Variants in PHF14 observed in about 807,000 individuals in gnomAD.
PHF14 encodes PHD finger protein 14.
A neutral mutation model predicts 117.9 loss-of-function variants in PHF14; 55 were observed. The ratio of observed to expected loss-of-function variants is 0.47; its 90% CI spans 0.38 to 0.58. The LOEUF (loss-of-function observed/expected upper bound fraction) is 0.58, where lower values mean the gene tolerates loss of function less well. Among genes scored for constraint, PHF14 ranks in the 20% least tolerant of loss-of-function variants. The probability of loss-of-function intolerance (pLI) is 0.00; values close to 1 mark genes in which losing one functional copy is unlikely to be tolerated. For missense variants in PHF14, 978 were observed against 1,122.2 expected (o/e 0.87, Z 1.84); for synonymous variants, 409 against 368.6 (o/e 1.11, Z -1.26).
intron 17 of PHF14, among the ~76,000 whole-genome samples, chr7:11,124,923 A>T (rs953050076): frequency 1.3e-5 from 2 of 152,228 alleles, no homozygotes; most frequent in African/African-American, 4.8e-5. Context: ...TTTCTAATGG[A>T]TAGGGGAATA....
At chr7:11,017,221 A>G (rs780494306) in intron 5 of PHF14, among the ~76,000 whole-genome samples, 1 of 152,196 alleles carries the variant, frequency 6.6e-6, no homozygotes, top group East Asian at 1.9e-4. Context: ...AGGAGTGCAG[A>G]TATCTCTTTA....
At chr7:11,151,707 T>TC (rs1262549554) in intron 17 of PHF14, among the ~76,000 whole-genome samples, 1 of 152,048 alleles carries the variant, frequency 6.6e-6, no homozygotes, top group Non-Finnish European at 1.5e-5. Context: ...CCCCCAGGAG[T>TC]CATGCATGGC....
At chr7:11,019,425 A>G (rs1194536350) in intron 5 of PHF14, among the ~76,000 whole-genome samples, 1 of 152,016 alleles carries the variant, frequency 6.6e-6, no homozygotes, top group African/African-American at 2.4e-5. Flanking sequence ...GTTACTTGTT[A>G]TTGGTCTGTA....
chr7:10,975,180 C>T (rs772107741), intron 2 of PHF14, among the ~76,000 whole-genome samples: 4 of 152,138 alleles, frequency 2.6e-5, no homozygotes, highest in Non-Finnish European at 4.4e-5. Context: ...TCCAAAGATG[C>T]AAAAGGATTT....
intron 17 of PHF14, among the ~76,000 whole-genome samples, chr7:11,123,471 A>G (rs950126623): frequency 6.6e-6 from 1 of 152,112 alleles, no homozygotes; most frequent in African/African-American, 2.4e-5. Context: ...GGACTCTTGA[A>G]TTTTGATAAA....
At chr7:11,066,798 G>A (rs1346585595) in intron 16 of PHF14, among the ~76,000 whole-genome samples, 1 of 152,090 alleles carries the variant, frequency 6.6e-6, no homozygotes, top group Non-Finnish European at 1.5e-5. Context: ...CCTGTGCCAA[G>A]ACCAACTCTT....
intron 14 of PHF14, among the ~76,000 whole-genome samples, chr7:11,052,461 T>C (rs1043225418): frequency 6.6e-6 from 1 of 152,150 alleles, no homozygotes; most frequent in East Asian, 1.9e-4. Context: ...CCTATAAATA[T>C]CTCCTGCAGC....
chr7:10,988,411 G>A (rs976331296), intron 3 of PHF14, among the ~76,000 whole-genome samples: 38 of 152,000 alleles, frequency 2.5e-4, no homozygotes, highest in African/African-American at 9.2e-4. Context: ...TCCCATATGG[G>A]TAAACCTTTT....
At chr7:11,005,585 C>G (rs1219496604) in intron 4 of PHF14, among the ~76,000 whole-genome samples, 1 of 152,126 alleles carries the variant, frequency 6.6e-6, no homozygotes, top group Non-Finnish European at 1.5e-5. Flanking sequence ...TGCTTTGTTT[C>G]ACTCATCTGT....
chr7:11,085,109 G>T (rs902774232), intron 16 of PHF14, among the ~76,000 whole-genome samples: 1 of 152,018 alleles, frequency 6.6e-6, no homozygotes, highest in Non-Finnish European at 1.5e-5. Flanking sequence ...GGTATGTTAT[G>T]AAATAGACAA....
intron 17 of PHF14, among the ~76,000 whole-genome samples, chr7:11,118,045 C>G (rs972984462): frequency 6.6e-6 from 1 of 151,750 alleles, no homozygotes; most frequent in African/African-American, 2.4e-5. Flanking sequence ...GTTTGTGGGA[C>G]AAGCTTACAA....
At chr7:11,113,206 G>T (rs982073006) in intron 17 of PHF14, among the ~76,000 whole-genome samples, 1 of 151,952 alleles carries the variant, frequency 6.6e-6, no homozygotes, top group Non-Finnish European at 1.5e-5. Flanking sequence ...TAAATATGTA[G>T]TATTATGTTA....
chr7:11,167,918 C>T (rs1020790592), intron 17 of PHF14, among the ~76,000 whole-genome samples: 4 of 150,474 alleles, frequency 2.7e-5, no homozygotes, highest in Non-Finnish European at 4.4e-5. Flanking sequence ...CCCAGCTACT[C>T]GGGAGGCTGA....
chr7:11,087,402 T>G (rs2906557), intron 16 of PHF14, among the ~76,000 whole-genome samples: 87,895 of 151,830 alleles, frequency 0.58, 27,023 homozygotes, highest in East Asian at 0.85. Context: ...ATGTTGGCCA[T>G]ACTGGTCTCG....
chr7:11,096,254 C>G (rs1454890057), intron 16 of PHF14, among the ~76,000 whole-genome samples: 2 of 151,916 alleles, frequency 1.3e-5, no homozygotes, highest in African/African-American at 2.4e-5. Context: ...AGAAGATCAT[C>G]CTGCATAATT....
chr7:11,110,735 CT>C (rs1203420441), intron 16 of PHF14, among the ~76,000 whole-genome samples: 1 of 151,842 alleles, frequency 6.6e-6, no homozygotes, highest in African/African-American at 2.4e-5. Flanking sequence ...TTTAAATGTT[CT>C]GTTTTTTAAC....
rs189539290 is a variant in PHF14, at chr7:11,060,435, C to T, written c.2482-1356C>T. ...GGAAAAGAGATGAATGTAGAAATTA[C>T]TAGCCATAAGTTTTCAGTTAGAACT... On this transcript the variant is annotated intron_variant, in intron 14 of 17. Transcript: ENST00000634607. Among the ~76,000 whole-genome samples the T allele has an allele frequency of 4.7e-3, 721 of 152,310 alleles. 8 individuals are homozygous for T. The highest frequency in any genetic ancestry group is 0.01 in the Middle Eastern group (3 of 294).
At chr7:11,154,447 C>T (rs932746145) in intron 17 of PHF14, among the ~76,000 whole-genome samples, 3 of 152,076 alleles carry the variant, frequency 2.0e-5, no homozygotes, top group Admixed American at 2.0e-4. Flanking sequence ...GGCCTGCTTT[C>T]GTTTAAGCAA....
intron 13 of PHF14, among the ~76,000 whole-genome samples, chr7:11,045,800 G>T (rs983311380): frequency 2.6e-4 from 39 of 152,184 alleles, no homozygotes; most frequent in African/African-American, 8.4e-4. Flanking sequence ...GGAGTCTGTT[G>T]AGAGGGAAGA....
Sources: gnomAD v4.1 joint callset for allele counts (sites outside exome capture counted in the v4.1 genomes callset) on GRCh38, gnomAD v4.1.1 for gene constraint, MANE v1.5 for transcripts, NCBI Gene and HGNC (gene_info 2026-07-23, HGNC 2026-07-21) for gene names.